The following EFNA5 variants were observed in gnomAD, a reference collection of about 807,000 sequenced individuals.
EFNA5 encodes ephrin A5.
EFNA5 carries 5 observed loss-of-function variants against 22.9 expected under a neutral mutation model. The ratio of observed to expected loss-of-function variants is 0.22; its 90% CI spans 0.11 to 0.46. EFNA5 has a LOEUF of 0.46. EFNA5 is among the 20% of genes least tolerant of loss of function. EFNA5 has a pLI of 0.99. For missense variants in EFNA5, 237 were observed against 293.3 expected (o/e 0.81, Z 1.40); for synonymous variants, 113 against 112.2 (o/e 1.01, Z -0.04).
At chr5:107,627,537 G>A (rs757446285) in intron 1 of EFNA5, among the ~76,000 whole-genome samples, 32 of 150,938 alleles carry the variant, frequency 2.1e-4, no homozygotes, top group Admixed American at 6.0e-4. Context: ...TCAGGAGGCT[G>A]AAGCTGGAGG....
intron 1 of EFNA5, among the ~76,000 whole-genome samples, chr5:107,451,751 C>G (rs1373947374): frequency 2.6e-5 from 4 of 152,098 alleles, no homozygotes; most frequent in Non-Finnish European, 5.9e-5. Flanking sequence ...TGTGGAGAAA[C>G]AGGAAGGCTT....
intron 2 of EFNA5, among the ~76,000 whole-genome samples, chr5:107,421,877 C>A (rs1398137876): frequency 6.6e-6 from 1 of 151,958 alleles, no homozygotes; most frequent in South Asian, 2.1e-4. Context: ...CTGCAACCTC[C>A]GCCTCCCAGG....
intron 1 of EFNA5, among the ~76,000 whole-genome samples, chr5:107,444,034 C>T (rs574150371): frequency 3.9e-5 from 6 of 152,232 alleles, no homozygotes; most frequent in South Asian, 4.1e-4. Flanking sequence ...ACATTATCTA[C>T]GAGGAACGTG....
intron 1 of EFNA5, among the ~76,000 whole-genome samples, chr5:107,543,801 T>G (rs163895): frequency 0.28 from 42,988 of 152,150 alleles, 9,886 homozygotes; most frequent in African/African-American, 0.64. Flanking sequence ...TATATCCTAA[T>G]TATTAGCCTT....
chr5:107,611,747 T>C (rs1749822436), intron 1 of EFNA5, among the ~76,000 whole-genome samples: 1 of 152,202 alleles, frequency 6.6e-6, no homozygotes, highest in South Asian at 2.1e-4. Flanking sequence ...TAAATATTGG[T>C]GAGGCAGCAG....
intron 1 of EFNA5, among the ~76,000 whole-genome samples, chr5:107,453,620 C>G (rs1283909536): frequency 2.0e-5 from 3 of 152,108 alleles, no homozygotes; most frequent in Non-Finnish European, 4.4e-5. Flanking sequence ...TTAAGTGGCA[C>G]TAGCAATGAG....
intron 1 of EFNA5, among the ~76,000 whole-genome samples, chr5:107,604,433 A>G (rs1749668993): frequency 6.6e-6 from 1 of 152,136 alleles, no homozygotes. Context: ...ACTTCTCAAC[A>G]GCAATAAGAA....
intron 1 of EFNA5, among the ~76,000 whole-genome samples, chr5:107,633,161 C>T (rs1439498154): frequency 1.3e-5 from 2 of 152,132 alleles, no homozygotes; most frequent in African/African-American, 4.8e-5. Flanking sequence ...ATTTGTGAGT[C>T]ATTTGTTATC....
At chr5:107,664,204 T>C (rs1027915931) in intron 1 of EFNA5, among the ~76,000 whole-genome samples, 1 of 152,070 alleles carries the variant, frequency 6.6e-6, no homozygotes, top group African/African-American at 2.4e-5. Context: ...GAGAGTACAA[T>C]AAAAAGTACT....
At chr5:107,555,209 C>A (rs988370419) in intron 1 of EFNA5, among the ~76,000 whole-genome samples, 1 of 152,222 alleles carries the variant, frequency 6.6e-6, no homozygotes, top group Non-Finnish European at 1.5e-5. Context: ...GACTGGAATC[C>A]TCAAATCAGA....
intron 2 of EFNA5, among the ~76,000 whole-genome samples, chr5:107,419,038 C>G (rs468072): frequency 0.55 from 83,063 of 152,084 alleles, 23,405 homozygotes; most frequent in Non-Finnish European, 0.61. Context: ...TTTGATTTCA[C>G]TCAAACTATG....
At chr5:107,414,066 T>C (rs1016290440) in intron 2 of EFNA5, among the ~76,000 whole-genome samples, 3 of 152,166 alleles carry the variant, frequency 2.0e-5, no homozygotes, top group Admixed American at 1.3e-4. Context: ...ATTCCTACTT[T>C]AAGCCAATGT....
At chr5:107,454,373 AATTAAG>A (rs1160717872) in intron 1 of EFNA5, among the ~76,000 whole-genome samples, 5 of 152,282 alleles carry the variant, frequency 3.3e-5, no homozygotes, top group East Asian at 1.9e-4. Flanking sequence ...TTGTTTTTAA[AATTAAG>A]ATTAAGAATA....
chr5:107,392,227 T>A (rs1475962911), intron 2 of EFNA5, among the ~76,000 whole-genome samples: 4 of 152,082 alleles, frequency 2.6e-5, no homozygotes, highest in Non-Finnish European at 5.9e-5. Context: ...CTTTGTATAA[T>A]CCCCTCCCCT....
intron 1 of EFNA5, among the ~76,000 whole-genome samples, chr5:107,664,803 T>C (rs35552): frequency 0.28 from 42,466 of 151,902 alleles, 6,211 homozygotes; most frequent in East Asian, 0.55. Context: ...GATATTCTAA[T>C]CCGGAATGCT....
intron 1 of EFNA5, among the ~76,000 whole-genome samples, chr5:107,444,079 G>C (rs939173120): frequency 2.0e-5 from 3 of 151,892 alleles, no homozygotes; most frequent in Non-Finnish European, 4.4e-5. Flanking sequence ...ACAGCATGCT[G>C]AGTGCTACAT....
At chr5:107,391,585 A>G in intron 2 of EFNA5, among the ~76,000 whole-genome samples, 1 of 152,224 alleles carries the variant, frequency 6.6e-6, no homozygotes, top group East Asian at 1.9e-4. Flanking sequence ...GAATTTTTCA[A>G]CTAAAATGAG....
intron 1 of EFNA5, among the ~76,000 whole-genome samples, chr5:107,432,971 T>C (rs773129466): frequency 6.6e-6 from 1 of 152,238 alleles, no homozygotes; most frequent in Non-Finnish European, 1.5e-5. Flanking sequence ...TTTCTCTTCC[T>C]TATGATTTTA....
At chr5:107,480,631 C>T (rs1476220447) in intron 1 of EFNA5, among the ~76,000 whole-genome samples, 1 of 152,144 alleles carries the variant, frequency 6.6e-6, no homozygotes, top group Non-Finnish European at 1.5e-5. Flanking sequence ...TACCTGGCTT[C>T]CTTTCTTAAG....
Sources: gnomAD v4.1 joint callset for allele counts (sites outside exome capture counted in the v4.1 genomes callset) on GRCh38, gnomAD v4.1.1 for gene constraint, MANE v1.5 for transcripts, NCBI Gene and HGNC (gene_info 2026-07-23, HGNC 2026-07-21) for gene names.